The following C17orf50 variants were observed in gnomAD, a reference collection of about 807,000 sequenced individuals.
The protein encoded by C17orf50 is uncharacterized protein C17orf50.
A neutral mutation model predicts 17.7 loss-of-function variants in C17orf50; 16 were observed. The observed-to-expected ratio is 0.90, with a 90% CI of 0.61 to 1.37. The LOEUF is 1.37. Among genes scored for constraint, C17orf50 ranks in the 40% most tolerant of loss-of-function variants. C17orf50 has a pLI of 0.00. For missense variants in C17orf50, 271 were observed against 240.7 expected, an observed-to-expected ratio of 1.13 and a Z score of -0.83; for synonymous variants, 125 against 111.0, an observed-to-expected ratio of 1.13 and a Z score of -0.80.
rs956720181 is a variant in C17orf50, at chr17:35,764,716, T to A, written c.*98T>A. Reference sequence around the variant, plus strand: ...GAGCGCGGAGCCCTCTTCGACGCATTCCGCAGGACCGCCCCTTCTCAGCTG... The same window carrying A: ...GAGCGCGGAGCCCTCTTCGACGCATACCGCAGGACCGCCCCTTCTCAGCTG... On this transcript the variant is annotated 3_prime_UTR_variant, in exon 3 of 3. Coordinates refer to ENST00000605587, the MANE Select transcript of C17orf50 (RefSeq NM_145272.4). 5.3e-6 allele frequency: 7 copies of A among 1,325,344 alleles called. No individual in the cohort carries two copies. The highest frequency in any genetic ancestry group is 1.5e-5 in the South Asian group (1 of 67,638). The allele number at this position is 1,325,344 out of a possible 1,614,324, so 82.1% of individuals were successfully genotyped here.
At chr17:35,762,901 A>G (rs1207155438) in intron 1 of C17orf50, among the ~76,000 whole-genome samples, 2 of 152,086 alleles carry the variant, frequency 1.3e-5, no homozygotes, top group East Asian at 3.9e-4. Context: ...CGAGGCGGGC[A>G]GATCACGAGG....
chr17:35,763,226 G>A (rs2085859706), intron 1 of C17orf50, among the ~76,000 whole-genome samples: 1 of 152,000 alleles, frequency 6.6e-6, no homozygotes, highest in African/African-American at 2.4e-5. Flanking sequence ...TTGAAGCCAG[G>A]AGTTCAGAGA....
chr17:35,763,438 CTTT>C (rs782005643), intron 1 of C17orf50, among the ~76,000 whole-genome samples: 5 of 101,508 alleles, frequency 4.9e-5, no homozygotes, highest in African/African-American at 1.2e-4. Flanking sequence ...CCATGCCCAG[CTTT>C]TTTTTTTTTT....
chr17:35,762,851 C>T (rs1361985114), intron 1 of C17orf50, among the ~76,000 whole-genome samples: 1 of 151,906 alleles, frequency 6.6e-6, no homozygotes, highest in Non-Finnish European at 1.5e-5. Context: ...AGTGGCCAGG[C>T]GCGGTGGCTC....
In C17orf50 at chr17:35,764,231, C is replaced by G; in HGVS notation, c.238C>G (p.Gln80Glu). 1.3e-6 allele frequency: 2 copies of G among 1,543,826 alleles called. No individual in the cohort carries two copies. The highest frequency in any genetic ancestry group is 1.7e-6 in the Non-Finnish European group (2 of 1,144,926). Residue 80 changes from glutamine (Q) to glutamate (E), a missense_variant, in exon 2 of 3, where the codon CAG becomes GAG. Physicochemically the swap from Gln to Glu is conservative, Grantham distance 29. Coordinates refer to ENST00000605587, the MANE Select transcript of C17orf50 (RefSeq NM_145272.4). ...CCCGCTGCGCCAGGAGTCCAGCACC[C>G]AGCAGGTGGCGCTGCTGCGGCGCGC... ...YCPLRQESST[Q>E]QVALLRRADS...
intron 1 of C17orf50, 110 bp from the exon 2 acceptor site, chr17:35,763,897 A>AAAATAAATAAATAAAT (rs35027942): frequency 0.021 from 13,939 of 653,838 alleles, 309 homozygotes; most frequent in African/African-American, 0.059. Flanking sequence ...ACCCTGTCTC[A>AAAATAAATAAATAAAT]AAATAAATAA....
At chr17:35,762,637 T>C (rs1210645064) in intron 1 of C17orf50, among the ~76,000 whole-genome samples, 2 of 152,078 alleles carry the variant, frequency 1.3e-5, no homozygotes, top group African/African-American at 2.4e-5. Flanking sequence ...TTTTCCCAAT[T>C]GGTCTGCCCA....
intron 1 of C17orf50, 145 bp downstream of exon 1, chr17:35,761,099 A>AT (rs10533957): frequency 0.08 from 40,003 of 501,510 alleles, 142 homozygotes; most frequent in South Asian, 0.087. Flanking sequence ...GCCTTCCTGA[A>AT]TTTTTTTTTT....
At chr17:35,762,851 C>G (rs1361985114) in intron 1 of C17orf50, among the ~76,000 whole-genome samples, 1 of 151,906 alleles carries the variant, frequency 6.6e-6, no homozygotes, top group Non-Finnish European at 1.5e-5. Context: ...AGTGGCCAGG[C>G]GCGGTGGCTC....
intron 1 of C17orf50, among the ~76,000 whole-genome samples, chr17:35,762,447 T>C (rs1467133263): frequency 6.6e-6 from 1 of 152,198 alleles, no homozygotes; most frequent in Non-Finnish European, 1.5e-5. Context: ...GGACACCTTC[T>C]AGGGGAGGCC....
chr17:35,762,353 CCT>C (rs1337862725), intron 1 of C17orf50, among the ~76,000 whole-genome samples: 4 of 152,194 alleles, frequency 2.6e-5, no homozygotes, highest in Non-Finnish European at 5.9e-5. Context: ...GCCTTCCTCC[CCT>C]CTTTCCTTTA....
intron 1 of C17orf50, among the ~76,000 whole-genome samples, chr17:35,761,329 G>A (rs587704336): frequency 4.0e-5 from 6 of 151,532 alleles, no homozygotes; most frequent in South Asian, 2.1e-4. Context: ...CAGGCTGGTC[G>A]CGAACTCCTG....
chr17:35,761,419 G>GTT (rs113571513), intron 1 of C17orf50, among the ~76,000 whole-genome samples: 5 of 126,484 alleles, frequency 4.0e-5, no homozygotes, highest in Admixed American at 7.7e-5. Flanking sequence ...CCTGTTTTTT[G>GTT]TTTTTTTTTT....
rs1555602204 is a variant in C17orf50, at chr17:35,764,263, C to A, written c.270C>A (p.Ser90Arg). Residue 90 changes from serine (S) to arginine (R), a missense_variant, in exon 2 of 3, where the codon AGC becomes AGA. By Grantham distance (110) the Ser-to-Arg change is moderately radical (BLOSUM62 -1). Coordinates refer to ENST00000605587, the MANE Select transcript of C17orf50 (RefSeq NM_145272.4). ...TGGCGCTGCTGCGGCGCGCGGACAG[C>A]GGCTTCTGGGGCTGGCTCGGCCCCT... Reference protein sequence around the residue: ...QQVALLRRADSGFWGWLGPLA... With the variant: ...QQVALLRRADRGFWGWLGPLA... The A allele has an allele frequency of 3.2e-6, 5 of 1,538,800 alleles. 1 individual carries two copies. Among genetic ancestry groups the A allele is most frequent in the Non-Finnish European group, 4.4e-6 (5 of 1,142,800 alleles).
intron 1 of C17orf50, among the ~76,000 whole-genome samples, chr17:35,762,619 G>A (rs2085842662): frequency 6.6e-6 from 1 of 152,022 alleles, no homozygotes; most frequent in South Asian, 2.1e-4. Flanking sequence ...CTCACCCTAA[G>A]GACAGCCTTT....
At chr17:35,763,438 CTTTTTTTTTTTT>C (rs782005643) in intron 1 of C17orf50, among the ~76,000 whole-genome samples, 4 of 101,516 alleles carry the variant, frequency 3.9e-5, no homozygotes, top group African/African-American at 1.2e-4. Flanking sequence ...CCATGCCCAG[CTTTTTTTTTTTT>C]TTTTTTTTTT....
chr17:35,764,391 G>T, intron 2 of C17orf50, 35 bp from the exon 3 acceptor site: 1 of 1,487,234 alleles, frequency 6.7e-7, no homozygotes. Context: ...AGGAGGGGCT[G>T]CCCCAGGCAC....
intron 1 of C17orf50, among the ~76,000 whole-genome samples, chr17:35,762,636 T>C (rs587646645): frequency 1.1e-4 from 16 of 152,212 alleles, no homozygotes; most frequent in East Asian, 5.8e-4. Context: ...CTTTTCCCAA[T>C]TGGTCTGCCC....
In C17orf50 at chr17:35,763,039, G is replaced by A. The variant is rs372755766; in HGVS notation, c.14-968G>A. 1.1e-4 allele frequency among the ~76,000 whole-genome samples: 16 copies of A among 151,706 alleles called. No homozygotes were observed. The East Asian group carries it at 2.9e-3, about 28-fold the overall frequency. On this transcript the variant is annotated intron_variant, in intron 1 of 2. Coordinates refer to ENST00000605587, the MANE Select transcript of C17orf50 (RefSeq NM_145272.4). ...CGGGAGGCTGAGGCAGGAGAATGGC[G>A]TGAACCCGGCAGGTGGAGCTTGCAG...
Sources: allele counts gnomAD v4.1 joint callset (sites outside exome capture counted in the v4.1 genomes callset), GRCh38; gene constraint gnomAD v4.1.1; transcripts MANE v1.5; gene names NCBI Gene and HGNC (gene_info 2026-07-23, HGNC 2026-07-21).